BORCS5: variants seen among roughly 807,000 people sequenced by gnomAD.
The protein encoded by BORCS5 is BLOC-1-related complex subunit 5.
A neutral mutation model predicts 22.1 loss-of-function variants in BORCS5; 17 were observed. The observed-to-expected ratio is 0.77, with a 90% CI of 0.53 to 1.15. BORCS5 has a LOEUF of 1.15. Ranked by LOEUF, BORCS5 falls within the 50% of genes most tolerant of loss-of-function variation. The pLI is 0.00. For missense variants in BORCS5, 247 were observed against 253.2 expected (o/e 0.98, Z 0.17); for synonymous variants, 117 against 99.8 (o/e 1.17, Z -1.03).
intron 2 of BORCS5, among the ~76,000 whole-genome samples, chr12:12,363,606 G>T (rs61258215): frequency 0.01 from 1,566 of 152,156 alleles, 28 homozygotes; most frequent in African/African-American, 0.035. Flanking sequence ...GTGTGGTGGC[G>T]GGTGCCTGTA....
intron 2 of BORCS5, among the ~76,000 whole-genome samples, chr12:12,364,483 G>A (rs1468655041): frequency 6.6e-6 from 1 of 152,202 alleles, no homozygotes. Flanking sequence ...CGAGAAGGAG[G>A]AAAAGGAGGG....
intron 3 of BORCS5, among the ~76,000 whole-genome samples, chr12:12,455,345 A>G (rs914461745): frequency 2.0e-5 from 3 of 152,244 alleles, no homozygotes; most frequent in African/African-American, 7.2e-5. Flanking sequence ...ACAGGAATTT[A>G]AATGTAGAAC....
intron 2 of BORCS5, among the ~76,000 whole-genome samples, chr12:12,397,913 C>T (rs550905410): frequency 6.6e-6 from 1 of 152,290 alleles, no homozygotes; most frequent in East Asian, 1.9e-4. Context: ...ATTTTCCTTA[C>T]TATCATATAG....
At chr12:12,394,673 T>C (rs1941286901) in intron 2 of BORCS5, among the ~76,000 whole-genome samples, 1 of 151,980 alleles carries the variant, frequency 6.6e-6, no homozygotes, top group Non-Finnish European at 1.5e-5. Context: ...TGATTTTTGC[T>C]CCTGAGGATT....
chr12:12,431,666 C>T (rs1228563506), intron 2 of BORCS5, among the ~76,000 whole-genome samples: 1 of 152,086 alleles, frequency 6.6e-6, no homozygotes, highest in Non-Finnish European at 1.5e-5. Context: ...TCCCAAAGTG[C>T]TGGGATTACA....
intron 2 of BORCS5, among the ~76,000 whole-genome samples, chr12:12,416,635 T>C (rs924658467): frequency 6.6e-6 from 1 of 151,778 alleles, no homozygotes; most frequent in Non-Finnish European, 1.5e-5. Flanking sequence ...TATTTACTTA[T>C]TTTTTTAAAG....
At chr12:12,424,458 C>G (rs1942227478) in intron 2 of BORCS5, among the ~76,000 whole-genome samples, 1 of 152,158 alleles carries the variant, frequency 6.6e-6, no homozygotes, top group African/African-American at 2.4e-5. Context: ...CTCCATGTCT[C>G]CTTTAGCTCT....
intron 3 of BORCS5, among the ~76,000 whole-genome samples, chr12:12,444,937 A>C (rs1056694442): frequency 6.6e-6 from 1 of 152,194 alleles, no homozygotes; most frequent in African/African-American, 2.4e-5. Context: ...TGAGCTTAAA[A>C]ACAACAACAA....
intron 3 of BORCS5, among the ~76,000 whole-genome samples, chr12:12,456,426 G>T (rs545798490): frequency 6.6e-6 from 1 of 152,296 alleles, no homozygotes; most frequent in African/African-American, 2.4e-5. Flanking sequence ...GCGAGACCCT[G>T]TCTCCAAATA....
intron 2 of BORCS5, among the ~76,000 whole-genome samples, chr12:12,416,151 C>A (rs529388689): frequency 4.3e-4 from 65 of 152,108 alleles, no homozygotes; most frequent in Admixed American, 2.9e-3. Context: ...ATTTTTATTC[C>A]CATAGAATCG....
At chr12:12,409,986 A>G (rs1175418544) in intron 2 of BORCS5, among the ~76,000 whole-genome samples, 2 of 152,126 alleles carry the variant, frequency 1.3e-5, no homozygotes, top group African/African-American at 4.8e-5. Flanking sequence ...GCCAGTGATG[A>G]TGAGCATTTT....
chr12:12,414,302 C>T (rs1281106499), intron 2 of BORCS5, among the ~76,000 whole-genome samples: 7 of 75,378 alleles, frequency 9.3e-5, no homozygotes, highest in Non-Finnish European at 1.4e-4. Flanking sequence ...GCGCCCCTCA[C>T]CTCCCGGACG....
Position 12,464,768 on chromosome 12 carries a change from C to G in BORCS5, c.361-778C>G, listed in dbSNP as rs902633759. Among the ~76,000 whole-genome samples the G allele has an allele frequency of 2.0e-5, 3 of 152,076 alleles. No individual in the cohort carries two copies. In the East Asian group the frequency reaches 5.8e-4, roughly 29 times the overall value. On this transcript the variant is annotated intron_variant, in intron 3 of 3. Coordinates refer to ENST00000314565, the MANE Select transcript of BORCS5 (RefSeq NM_058169.6). ...AAGGGCAGCCCAGAGCCCGCAGTTT[C>G]TTTAATGGGGGAGAAGGGCACATGA...
intron 2 of BORCS5, among the ~76,000 whole-genome samples, chr12:12,418,888 T>G (rs1339950988): frequency 6.6e-6 from 1 of 152,154 alleles, no homozygotes; most frequent in Non-Finnish European, 1.5e-5. Flanking sequence ...ACAGTGGCAC[T>G]TACTTCTGTC....
rs760741376 is a variant in BORCS5 at position 12,357,526 on chromosome 12, C to G, written c.58+17C>G. 6.2e-7 allele frequency: 1 copy of G among 1,601,286 alleles called. No individual in the cohort carries two copies. The highest frequency in any genetic ancestry group is 1.1e-5 in the South Asian group (1 of 90,650). On this transcript the variant is annotated intron_variant, in intron 1 of 3. Coordinates refer to ENST00000314565, the MANE Select transcript of BORCS5 (RefSeq NM_058169.6). ...ACTCCTCAGGTCGGTGTCCTAACCT[C>G]CCACCCTCCTCCAGCCCGCCCTGTC...
At chr12:12,397,090 A>C (rs1334260400) in intron 2 of BORCS5, among the ~76,000 whole-genome samples, 1 of 152,150 alleles carries the variant, frequency 6.6e-6, no homozygotes, top group Non-Finnish European at 1.5e-5. Flanking sequence ...TGTTTTTGTT[A>C]AATAGTTGCA....
chr12:12,391,679 C>T (rs556686450), intron 2 of BORCS5, among the ~76,000 whole-genome samples: 5 of 151,468 alleles, frequency 3.3e-5, no homozygotes, highest in East Asian at 2.0e-4. Flanking sequence ...TGAGCCACCA[C>T]GCCTGGCACA....
intron 2 of BORCS5, among the ~76,000 whole-genome samples, chr12:12,387,315 T>G (rs570461013): frequency 6.6e-6 from 1 of 151,674 alleles, no homozygotes; most frequent in East Asian, 1.9e-4. Context: ...AACATAAGTT[T>G]TGTGGCAGTT....
chr12:12,365,291 TC>T (rs1343205401), intron 2 of BORCS5, among the ~76,000 whole-genome samples: 1 of 151,996 alleles, frequency 6.6e-6, no homozygotes, highest in Non-Finnish European at 1.5e-5. Context: ...CATCTCAGCT[TC>T]CAGAGTAGCT....
Sources: allele counts gnomAD v4.1 joint callset (sites outside exome capture counted in the v4.1 genomes callset), GRCh38; gene constraint gnomAD v4.1.1; transcripts MANE v1.5; gene names NCBI Gene and HGNC (gene_info 2026-07-23, HGNC 2026-07-21).